Variants in TENM2 observed in about 807,000 individuals in gnomAD.
TENM2 encodes the protein teneurin-2.
Under a neutral mutation model 245.2 loss-of-function variants are expected in TENM2, and 52 were observed. The ratio of observed to expected loss-of-function variants is 0.21; its 90% confidence interval spans 0.17 to 0.27. The LOEUF is 0.27. Ranked by LOEUF, TENM2 falls within the 10% of genes least tolerant of loss-of-function variation. The pLI is 1.00. For synonymous variants in TENM2, 1,363 were observed against 1,438.9 expected, an observed-to-expected ratio of 0.95 and a Z score of 1.19; for missense variants, 3,046 against 3,666.8, an observed-to-expected ratio of 0.83 and a Z score of 4.37.
upstream of TENM2, among the ~76,000 whole-genome samples, chr5:167,281,125 T>TC (rs1771034136): frequency 6.6e-6 from 1 of 151,916 alleles, no homozygotes; most frequent in Admixed American, 6.6e-5. Flanking sequence ...TTTTTTTTTT[T>TC]TGAAATGGAG....
At chr5:167,035,534 T>C in the TENM2 span, among the ~76,000 whole-genome samples, 2 of 152,234 alleles carry the variant, frequency 1.3e-5, no homozygotes, top group Admixed American at 1.3e-4. Flanking sequence ...TTCTTGATAG[T>C]ATTTTCACAG....
intron 2 of TENM2, among the ~76,000 whole-genome samples, chr5:167,422,484 C>T (rs1338532831): frequency 1.3e-5 from 2 of 152,176 alleles, no homozygotes; most frequent in African/African-American, 4.8e-5. Context: ...ATTTTCAACT[C>T]TTGATGTCTT....
intron 7 of TENM2, among the ~76,000 whole-genome samples, chr5:168,076,492 G>C (rs1791490028): frequency 6.6e-6 from 1 of 152,140 alleles, no homozygotes; most frequent in African/African-American, 2.4e-5. Context: ...CCAAAGTGCT[G>C]GGATTACCGG....
At chr5:167,449,551 GAT>G (rs1765446107) in intron 2 of TENM2, among the ~76,000 whole-genome samples, 1 of 149,744 alleles carries the variant, frequency 6.7e-6, no homozygotes, top group South Asian at 2.1e-4. Context: ...TAGATAGATA[GAT>G]AGATAGATAG....
intron 12 of TENM2, among the ~76,000 whole-genome samples, chr5:168,142,619 C>A (rs1282631928): frequency 6.6e-6 from 1 of 152,164 alleles, no homozygotes. Flanking sequence ...GTAGTTGAAG[C>A]CAAGCTGAGA....
intron 5 of TENM2, among the ~76,000 whole-genome samples, chr5:167,997,111 A>T (rs961214757): frequency 6.6e-6 from 1 of 152,184 alleles, no homozygotes. Flanking sequence ...TCTAGCAGAA[A>T]ATAAAATCTG....
At chr5:167,943,602 C>T (rs1418485153) in intron 3 of TENM2, among the ~76,000 whole-genome samples, 1 of 152,096 alleles carries the variant, frequency 6.6e-6, no homozygotes, top group Non-Finnish European at 1.5e-5. Flanking sequence ...CCTTGAAAAG[C>T]TATGTGATGA....
At chr5:167,950,465 G>T (rs1304814725) in intron 3 of TENM2, among the ~76,000 whole-genome samples, 1 of 152,028 alleles carries the variant, frequency 6.6e-6, no homozygotes, top group Non-Finnish European at 1.5e-5. Context: ...AGGGGAGGGT[G>T]GGGGGCCAGG....
At chr5:167,931,907 G>A (rs1158412080) in intron 3 of TENM2, among the ~76,000 whole-genome samples, 1 of 152,144 alleles carries the variant, frequency 6.6e-6, no homozygotes, top group African/African-American at 2.4e-5. Context: ...TCTTGTGTAG[G>A]GCACTAGCTA....
chr5:167,932,908 C>T (rs1377374553), intron 3 of TENM2, among the ~76,000 whole-genome samples: 3 of 152,134 alleles, frequency 2.0e-5, no homozygotes, highest in African/African-American at 7.2e-5. Context: ...TAGCAGCCTA[C>T]ATGTTGTATT....
chr5:167,766,772 G>A (rs7719922), intron 2 of TENM2, among the ~76,000 whole-genome samples: 2,181 of 152,124 alleles, frequency 0.014, 54 homozygotes, highest in African/African-American at 0.049. Context: ...CCAGCTACTC[G>A]GGAGGCTGAG....
At chr5:167,398,402 C>A (rs1762186220) in intron 2 of TENM2, among the ~76,000 whole-genome samples, 1 of 139,302 alleles carries the variant, frequency 7.2e-6, no homozygotes, top group Non-Finnish European at 1.6e-5. Context: ...TTCTTTCTTT[C>A]TTTCTTTCTT....
intron 1 of TENM2, among the ~76,000 whole-genome samples, chr5:167,367,570 T>C (rs1051724928): frequency 6.6e-6 from 1 of 152,158 alleles, no homozygotes; most frequent in Admixed American, 6.5e-5. Context: ...GCATAAAACA[T>C]TAGTATTCAT....
the TENM2 span, among the ~76,000 whole-genome samples, chr5:167,041,653 C>CAA: frequency 1.6e-4 from 24 of 152,096 alleles, no homozygotes; most frequent in Non-Finnish European, 3.1e-4. Context: ...TCAGCACATG[C>CAA]ATGAAATTAT....
At chr5:167,812,655 T>C (rs1000753282) in intron 2 of TENM2, among the ~76,000 whole-genome samples, 1 of 152,218 alleles carries the variant, frequency 6.6e-6, no homozygotes, top group Admixed American at 6.5e-5. Flanking sequence ...GAAAAGACCC[T>C]CCCTGGACAG....
At chr5:167,859,471 C>T (rs1771481317) in intron 2 of TENM2, among the ~76,000 whole-genome samples, 1 of 115,056 alleles carries the variant, frequency 8.7e-6, no homozygotes, top group East Asian at 2.8e-4. Context: ...TGAGGAGCCC[C>T]TCAGCCTGGC....
intron 2 of TENM2, among the ~76,000 whole-genome samples, chr5:167,618,353 C>A (rs1263826845): frequency 6.6e-6 from 1 of 152,048 alleles, no homozygotes; most frequent in African/African-American, 2.4e-5. Context: ...GCTCTCCCCT[C>A]CCATTCAGGC....
At chr5:167,843,560 G>A (rs914373160) in intron 2 of TENM2, among the ~76,000 whole-genome samples, 2 of 152,078 alleles carry the variant, frequency 1.3e-5, no homozygotes, top group African/African-American at 4.8e-5. Flanking sequence ...ATATTTGTAG[G>A]GTTGGTGGGG....
chr5:167,286,191 T>C (rs1261145649), intron 1 of TENM2, among the ~76,000 whole-genome samples: 2 of 152,218 alleles, frequency 1.3e-5, no homozygotes, highest in East Asian at 1.9e-4. Context: ...TAACATAGGA[T>C]TGAAAAAATA....
Sources: allele counts gnomAD v4.1 joint callset (sites outside exome capture counted in the v4.1 genomes callset), GRCh38; gene constraint gnomAD v4.1.1; transcripts MANE v1.5; gene names NCBI Gene and HGNC (gene_info 2026-07-23, HGNC 2026-07-21).